The following TMEM242 variants were observed in gnomAD, a reference collection of about 807,000 sequenced individuals.
TMEM242 encodes UPF0463 transmembrane protein C6orf35.
TMEM242 carries 10 observed loss-of-function variants against 18.2 expected under a neutral mutation model. The ratio of observed to expected loss-of-function variants is 0.55; its 90% CI spans 0.34 to 0.93. The LOEUF is 0.93. TMEM242 is among the 40% of genes least tolerant of loss of function. The pLI is 0.02. For synonymous variants in TMEM242, 57 were observed against 69.9 expected (o/e 0.81, Z 0.92); for missense variants, 186 against 175.5 (o/e 1.06, Z -0.34).
In TMEM242 at chr6:157,300,826, A is replaced by G. The variant is rs1777820437; in HGVS notation, c.328-7827T>C. ...GCGTCCCGAAGAAAAACGACTTCTC[A>G]GGTAGAAAGCTGGCAATGCAGTCCT... On this transcript the variant is annotated intron_variant, in intron 3 of 3. Transcript: ENST00000400788. 1.3e-5 allele frequency among the ~76,000 whole-genome samples: 2 copies of G among 152,246 alleles called. 1 individual carries two copies. The highest frequency in any genetic ancestry group is 4.1e-4 in the South Asian group (2 of 4,834).
chr6:157,309,627 G>A lies in TMEM242; in HGVS notation c.327+9155C>T, dbSNP rs183101224. ...GCTAATCTCAAATTCCTAGACTCAA[G>A]CAATCCTCCTGCCTCAGCCTCCCAA... is the stretch of plus-strand genomic sequence containing the variant. On this transcript the variant is annotated intron_variant, in intron 3 of 3. Coordinates refer to ENST00000400788, the MANE Select transcript of TMEM242 (RefSeq NM_018452.6). Among the ~76,000 whole-genome samples the A allele has an allele frequency of 4.6e-5, 7 of 152,248 alleles. 1 individual carries two copies. Among genetic ancestry groups the A allele is most frequent in the African/African-American group, 1.7e-4 (7 of 41,556 alleles).
chr6:157,300,739 C>T (rs782072005), intron 3 of TMEM242, among the ~76,000 whole-genome samples: 48 of 152,184 alleles, frequency 3.2e-4, no homozygotes, highest in Non-Finnish European at 5.4e-4. Flanking sequence ...CATCCCATCA[C>T]TAAAAATTCA....
At chr6:157,294,571 C>T (rs587765488) in intron 3 of TMEM242, among the ~76,000 whole-genome samples, 4 of 151,744 alleles carry the variant, frequency 2.6e-5, no homozygotes, top group Non-Finnish European at 5.9e-5. Context: ...GGGATGGTCT[C>T]GATCTCCTGA....
chr6:157,294,012 C>T (rs9365089), intron 3 of TMEM242, among the ~76,000 whole-genome samples: 38,048 of 152,062 alleles, frequency 0.25, 4,862 homozygotes, highest in South Asian at 0.39. Flanking sequence ...TGCACCACCG[C>T]GCCCAGCCTA....
intron 3 of TMEM242, among the ~76,000 whole-genome samples, chr6:157,300,295 A>G (rs1777812384): frequency 6.6e-6 from 1 of 152,186 alleles, no homozygotes; most frequent in African/African-American, 2.4e-5. Flanking sequence ...CGCCTTCAAC[A>G]TGTACTTTCC....
At chr6:157,312,305 T>C (rs1187028528) in intron 3 of TMEM242, among the ~76,000 whole-genome samples, 64 of 115,982 alleles carry the variant, frequency 5.5e-4, no homozygotes, top group African/African-American at 7.9e-4. Flanking sequence ...CCAGTGTGCG[T>C]TGATCTGACC....
intron 3 of TMEM242, among the ~76,000 whole-genome samples, chr6:157,298,508 C>G (rs587725684): frequency 6.6e-6 from 1 of 152,314 alleles, no homozygotes; most frequent in Non-Finnish European, 1.5e-5. Flanking sequence ...CATGTACACA[C>G]ATGCCCAACA....
intron 3 of TMEM242, among the ~76,000 whole-genome samples, chr6:157,315,195 C>A (rs1203956419): frequency 6.6e-6 from 1 of 152,200 alleles, no homozygotes; most frequent in African/African-American, 2.4e-5. Flanking sequence ...ACTCTCTAAA[C>A]GTTGAGCTGA....
At chr6:157,320,821 T>G (rs1171166347) in intron 2 of TMEM242, among the ~76,000 whole-genome samples, 1 of 152,190 alleles carries the variant, frequency 6.6e-6, no homozygotes, top group Admixed American at 6.5e-5. Flanking sequence ...ATTGTTTGCT[T>G]GAAAAGACAA....
chr6:157,311,394 AGCC>A (rs1778084725), intron 3 of TMEM242, among the ~76,000 whole-genome samples: 1 of 15,886 alleles, frequency 6.3e-5, no homozygotes, highest in Non-Finnish European at 1.3e-4. Context: ...GCGCTCACCT[AGCC>A]TCATCATAGT....
intron 3 of TMEM242, among the ~76,000 whole-genome samples, chr6:157,312,677 C>T (rs1554249377): frequency 1.4e-5 from 2 of 143,632 alleles, no homozygotes; most frequent in Non-Finnish European, 3.0e-5. Flanking sequence ...GGTGCACTCA[C>T]CTAGCCTCAT....
At chr6:157,311,088 AGCCAC>A (rs1778046322) in intron 3 of TMEM242, among the ~76,000 whole-genome samples, 1 of 122,350 alleles carries the variant, frequency 8.2e-6, no homozygotes, top group Non-Finnish European at 1.7e-5. Flanking sequence ...GCTCACACCT[AGCCAC>A]ATCATAGTGT....
At chr6:157,297,949 A>G (rs1554247262) in intron 3 of TMEM242, among the ~76,000 whole-genome samples, 3 of 152,224 alleles carry the variant, frequency 2.0e-5, no homozygotes, top group African/African-American at 7.2e-5. Context: ...TCACTGTATC[A>G]CATGCATAAA....
At chr6:157,310,540 G>C in intron 3 of TMEM242, among the ~76,000 whole-genome samples, 1 of 134,600 alleles carries the variant, frequency 7.4e-6, no homozygotes, top group Non-Finnish European at 1.6e-5. Flanking sequence ...TGGTATCCCA[G>C]TGTGCGCTCA....
intron 3 of TMEM242, among the ~76,000 whole-genome samples, chr6:157,310,585 C>A (rs890927133): frequency 2.1e-5 from 3 of 142,286 alleles, no homozygotes; most frequent in African/African-American, 8.3e-5. Context: ...TGTGCGCTCA[C>A]CCGGCCTCAT....
At chr6:157,310,608 G>C (rs797038896) in intron 3 of TMEM242, among the ~76,000 whole-genome samples, 12 of 51,522 alleles carry the variant, frequency 2.3e-4, no homozygotes, top group Admixed American at 7.1e-4. Flanking sequence ...TAGTGCCCCA[G>C]TGTGCCCTCA....
intron 3 of TMEM242, among the ~76,000 whole-genome samples, chr6:157,301,146 C>T (rs368935082): frequency 2.0e-5 from 3 of 152,052 alleles, no homozygotes; most frequent in African/African-American, 4.8e-5. Flanking sequence ...GCATTCTGCC[C>T]GTGTAATGGT....
At chr6:157,321,377 T>A (rs782299605) in intron 2 of TMEM242, among the ~76,000 whole-genome samples, 4 of 152,220 alleles carry the variant, frequency 2.6e-5, no homozygotes, top group Non-Finnish European at 5.9e-5. Flanking sequence ...TTAATAAAAT[T>A]AACTATTTTA....
intron 3 of TMEM242, among the ~76,000 whole-genome samples, chr6:157,302,566 A>G (rs1297644702): frequency 6.6e-6 from 1 of 152,248 alleles, no homozygotes; most frequent in African/African-American, 2.4e-5. Context: ...TGTTCAAAAT[A>G]AAAACATACC....
Sources: allele counts gnomAD v4.1 joint callset (sites outside exome capture counted in the v4.1 genomes callset), GRCh38; gene constraint gnomAD v4.1.1; transcripts MANE v1.5; gene names NCBI Gene and HGNC (gene_info 2026-07-23, HGNC 2026-07-21).